Variants in FRMD4B observed in about 807,000 individuals in gnomAD.
FRMD4B encodes FERM domain containing 4B, also known as FERM domain-containing protein 4B.
Under a neutral mutation model 141.5 loss-of-function variants are expected in FRMD4B, and 74 were observed. That is an observed-to-expected ratio of 0.52 (90% CI 0.43 to 0.63). The LOEUF (loss-of-function observed/expected upper bound fraction) is 0.63. Among genes scored for constraint, FRMD4B ranks in the 30% least tolerant of loss-of-function variants. FRMD4B has a pLI of 0.00. For missense variants in FRMD4B, 1,366 were observed against 1,253.4 expected (o/e 1.09, Z -1.36); for synonymous variants, 506 against 467.9 (o/e 1.08, Z -1.05).
intron 12 of FRMD4B, among the ~76,000 whole-genome samples, chr3:69,197,326 T>G (rs1375478834): frequency 1.3e-5 from 2 of 152,148 alleles, no homozygotes; most frequent in African/African-American, 4.8e-5. Flanking sequence ...AACATTTAGT[T>G]AGAAACTCTA....
intron 11 of FRMD4B, among the ~76,000 whole-genome samples, chr3:69,207,134 C>A (rs548965790): frequency 6.6e-6 from 1 of 151,892 alleles, no homozygotes; most frequent in Admixed American, 6.6e-5. Flanking sequence ...GAGACCCTGT[C>A]TCCATAACAG....
intron 1 of FRMD4B, among the ~76,000 whole-genome samples, chr3:69,444,653 A>G (rs17353788): frequency 6.6e-6 from 1 of 152,186 alleles, no homozygotes; most frequent in Non-Finnish European, 1.5e-5. Flanking sequence ...GGAAAAGAAA[A>G]TAACCAAAAC....
chr3:69,537,291 C>T (rs369795615), intron 1 of FRMD4B, among the ~76,000 whole-genome samples: 49 of 152,172 alleles, frequency 3.2e-4, no homozygotes, highest in African/African-American at 7.0e-4. Context: ...GAAAACTGTA[C>T]GTAAAGTGAC....
intron 1 of FRMD4B, among the ~76,000 whole-genome samples, chr3:69,540,613 TAAAAAAA>T (rs1157655761): frequency 2.1e-4 from 3 of 14,010 alleles, no homozygotes; most frequent in Admixed American, 1.9e-3. Context: ...ACTCTGTCTC[TAAAAAAA>T]AAAAAAAAAA....
intron 1 of FRMD4B, among the ~76,000 whole-genome samples, chr3:69,358,949 T>A (rs933354917): frequency 1.3e-5 from 2 of 152,138 alleles, no homozygotes; most frequent in Admixed American, 1.3e-4. Context: ...GCCAGTGCCA[T>A]GTTGTTGGAC....
chr3:69,439,274 G>A (rs144687641), intron 1 of FRMD4B, among the ~76,000 whole-genome samples: 48 of 152,190 alleles, frequency 3.2e-4, no homozygotes, highest in Non-Finnish European at 4.9e-4. Context: ...GGTAGTGTCC[G>A]ATTTTTGTTA....
At chr3:69,477,882 G>A (rs1465918394) in intron 1 of FRMD4B, among the ~76,000 whole-genome samples, 1 of 151,768 alleles carries the variant, frequency 6.6e-6, no homozygotes, top group African/African-American at 2.4e-5. Context: ...CAATTTCAGA[G>A]CCTGTTATTG....
At chr3:69,420,290 C>CAAAAAAAAAA (rs56707719) in intron 2 of FRMD4B, among the ~76,000 whole-genome samples, 10 of 131,928 alleles carry the variant, frequency 7.6e-5, no homozygotes, top group South Asian at 2.5e-4. Context: ...AAAGGGATAT[C>CAAAAAAAAAA]AAAAAAAAAA....
chr3:69,488,555 C>T (rs1706254134), intron 1 of FRMD4B, among the ~76,000 whole-genome samples: 1 of 152,054 alleles, frequency 6.6e-6, no homozygotes, highest in African/African-American at 2.4e-5. Context: ...AAATGGGACC[C>T]CTACTTCATA....
intron 1 of FRMD4B, among the ~76,000 whole-genome samples, chr3:69,523,170 A>T (rs148579522): frequency 1.3e-5 from 2 of 151,820 alleles, no homozygotes; most frequent in Non-Finnish European, 2.9e-5. Context: ...ATGGCAATGG[A>T]TAGAATGATC....
At chr3:69,410,221 C>T (rs1457600188) in intron 2 of FRMD4B, among the ~76,000 whole-genome samples, 1 of 152,192 alleles carries the variant, frequency 6.6e-6, no homozygotes, top group Non-Finnish European at 1.5e-5. Flanking sequence ...TCCTCTCCTT[C>T]AGGACACTCG....
At chr3:69,496,108 A>G (rs935085765) in intron 1 of FRMD4B, among the ~76,000 whole-genome samples, 1 of 152,222 alleles carries the variant, frequency 6.6e-6, no homozygotes, top group African/African-American at 2.4e-5. Flanking sequence ...CATCTAATTA[A>G]CCATTATTTG....
At chr3:69,299,840 T>C (rs9822384) in intron 4 of FRMD4B, among the ~76,000 whole-genome samples, 2 of 151,870 alleles carry the variant, frequency 1.3e-5, no homozygotes. Context: ...TGTCCATGAA[T>C]GAGGGGCTTC....
intron 1 of FRMD4B, among the ~76,000 whole-genome samples, chr3:69,454,178 T>C (rs749496334): frequency 4.6e-5 from 7 of 152,200 alleles, no homozygotes; most frequent in Non-Finnish European, 1.0e-4. Flanking sequence ...TTCTGTTCAA[T>C]AGTATCATCA....
At chr3:69,267,995 T>C (rs1559765859) in intron 5 of FRMD4B, among the ~76,000 whole-genome samples, 2 of 151,870 alleles carry the variant, frequency 1.3e-5, no homozygotes, top group Admixed American at 6.6e-5. Context: ...TTGATGACAA[T>C]GTTCTACCAG....
intron 5 of FRMD4B, among the ~76,000 whole-genome samples, chr3:69,277,516 C>CG (rs1464461463): frequency 8.6e-4 from 52 of 60,500 alleles, no homozygotes; most frequent in African/African-American, 3.6e-3. Flanking sequence ...TTTCTTTCTG[C>CG]TTTTTTTTTT....
chr3:69,245,767 A>G (rs1388343374), intron 7 of FRMD4B, among the ~76,000 whole-genome samples: 1 of 148,040 alleles, frequency 6.8e-6, no homozygotes, highest in African/African-American at 2.5e-5. Flanking sequence ...GGGTTCAAGC[A>G]ATTATCTCGC....
intron 5 of FRMD4B, among the ~76,000 whole-genome samples, chr3:69,253,183 A>ATTTTTTTTTTTTTTTTTTTTT: frequency 7.7e-6 from 1 of 129,892 alleles, no homozygotes; most frequent in Non-Finnish European, 1.6e-5. Flanking sequence ...TATGATTCCT[A>ATTTTTTTTTTTTTTTTTTTTT]TTTTTTTTTT....
chr3:69,297,630 G>A lies in FRMD4B; in HGVS notation c.416+4713C>T, dbSNP rs957154127. On this transcript the variant is annotated intron_variant, in intron 4 of 22. Coordinates refer to ENST00000398540, the MANE Select transcript of FRMD4B (RefSeq NM_015123.3). ...AGCATTTCCAGTGAGGTCACGCCAA[G>A]GCCCTGCACTCCTATTTAAATGCTT... Among the ~76,000 whole-genome samples, 9 of 152,184 alleles carry A rather than the reference G, an allele frequency of 5.9e-5. No homozygotes were observed. In the South Asian group the frequency reaches 6.2e-4, roughly 11 times the overall value.
Sources: gnomAD v4.1 joint callset for allele counts (sites outside exome capture counted in the v4.1 genomes callset) on GRCh38, gnomAD v4.1.1 for gene constraint, MANE v1.5 for transcripts, NCBI Gene and HGNC (gene_info 2026-07-23, HGNC 2026-07-21) for gene names.